Variants in VRTN observed in about 807,000 individuals in gnomAD.
VRTN encodes vertnin.
In VRTN, 5 loss-of-function variants were observed where a neutral mutation model predicts 18.2. That is an observed-to-expected ratio of 0.27 (90% CI 0.14 to 0.58). The LOEUF is 0.58. VRTN is among the 20% of genes least tolerant of loss of function. VRTN has a pLI of 0.91. For synonymous variants in VRTN, 381 were observed against 393.7 expected, an observed-to-expected ratio of 0.97 and a Z score of 0.38; for missense variants, 741 against 939.4, an observed-to-expected ratio of 0.79 and a Z score of 2.76.
At chr14:74,340,695 A>T (rs2085599205) in intron 2 of VRTN, among the ~76,000 whole-genome samples, 1 of 152,262 alleles carries the variant, frequency 6.6e-6, no homozygotes, top group Non-Finnish European at 1.5e-5. Flanking sequence ...GAATAAATGC[A>T]CAAGTGAATA....
At chr14:74,309,564 G>A (rs550070180) in intron 1 of VRTN, among the ~76,000 whole-genome samples, 4 of 152,276 alleles carry the variant, frequency 2.6e-5, no homozygotes, top group African/African-American at 9.6e-5. Context: ...ACACAGTGAG[G>A]CTAGGGCTCA....
In VRTN at chr14:74,358,211, G is replaced by A; in HGVS notation, c.1428G>A (p.Lys476=). ...GGGAAGGGGCTGTAATTCCTTGGAA[G>A]AGTGAGGCGGAAGAGGGGGCAGGGA... is the stretch of plus-strand genomic sequence containing the variant. ...SVGEGAVIPW[K]SEAEEGAGNA... The change falls in exon 2 of 2, where the codon AAG becomes AAA. Residue 476 remains lysine, a synonymous_variant. Transcript: ENST00000256362. The surrounding 1 kb of genome is among the most constrained non-coding windows in gnomAD (Gnocchi z 5.4). 8 of 1,613,064 alleles carry A rather than the reference G, an allele frequency of 5.0e-6. No individual in the cohort carries two copies. Among genetic ancestry groups the A allele is most frequent in the Non-Finnish European group, 5.9e-6 (7 of 1,179,516 alleles).
intron 1 of VRTN, among the ~76,000 whole-genome samples, chr14:74,333,110 C>A (rs964591659): frequency 3.3e-4 from 51 of 152,286 alleles, no homozygotes; most frequent in African/African-American, 1.1e-3. Flanking sequence ...ATGCCAGGCA[C>A]GGTGGCTCAT....
rs1401697917 is a variant in VRTN at position 74,348,619 on chromosome 14, G to T, written c.-35G>T. The T allele has an allele frequency of 6.6e-6, 1 of 152,378 alleles. No homozygotes were observed. The highest frequency in any genetic ancestry group is 1.5e-5 in the Non-Finnish European group (1 of 68,170). 9.4% of individuals were successfully genotyped at this position (152,378 alleles called of 1,614,324 possible). On this transcript the variant is annotated 5_prime_UTR_variant, in exon 1 of 2. Coordinates refer to ENST00000256362, the MANE Select transcript of VRTN (RefSeq NM_018228.3). Reference sequence around the variant, plus strand: ...CCCAGGCTGGAAGGTGGAGCGAGAAGTGGATGCCCCCAGGGCTCTGGGTCA... The same window carrying T: ...CCCAGGCTGGAAGGTGGAGCGAGAATTGGATGCCCCCAGGGCTCTGGGTCA...
At chr14:74,319,850 C>A (rs551276820) in intron 1 of VRTN, among the ~76,000 whole-genome samples, 1 of 152,222 alleles carries the variant, frequency 6.6e-6, no homozygotes, top group South Asian at 2.1e-4. Context: ...AGTCCAACAT[C>A]TAGTAGTAAA....
At chr14:74,318,044 A>G (rs1198793750) in intron 1 of VRTN, among the ~76,000 whole-genome samples, 1 of 152,092 alleles carries the variant, frequency 6.6e-6, no homozygotes, top group Non-Finnish European at 1.5e-5. Flanking sequence ...GCTTGAGCCC[A>G]GGAGTTCAAG....
chr14:74,314,808 A>G (rs947389180), intron 1 of VRTN, among the ~76,000 whole-genome samples: 2 of 152,184 alleles, frequency 1.3e-5, no homozygotes, highest in Non-Finnish European at 2.9e-5. Context: ...TGAGTGGGGA[A>G]ACCCAGCAAG....
intron 1 of VRTN, among the ~76,000 whole-genome samples, chr14:74,321,385 G>T (rs2085454837): frequency 6.6e-6 from 1 of 152,156 alleles, no homozygotes; most frequent in Non-Finnish European, 1.5e-5. Context: ...ACGCAAAACT[G>T]AGGCATGGAA....
intron 1 of VRTN, among the ~76,000 whole-genome samples, chr14:74,329,426 T>TG (rs2085507899): frequency 6.6e-6 from 1 of 151,820 alleles, no homozygotes; most frequent in Admixed American, 6.6e-5. Flanking sequence ...TGGTTTTGTT[T>TG]GTTTGTTTGT....
chr14:74,335,235 C>G (rs2085556082), intron 1 of VRTN, among the ~76,000 whole-genome samples: 1 of 152,150 alleles, frequency 6.6e-6, no homozygotes, highest in Non-Finnish European at 1.5e-5. Flanking sequence ...GAGCTGACAT[C>G]ATGCCACTGC....
intron 1 of VRTN, among the ~76,000 whole-genome samples, chr14:74,319,017 G>A (rs1034868334): frequency 1.3e-5 from 2 of 148,840 alleles, no homozygotes; most frequent in African/African-American, 2.5e-5. Flanking sequence ...GCCTGGTCTC[G>A]GGATTTTTTT....
chr14:74,331,881 C>T (rs2085527807), intron 1 of VRTN, among the ~76,000 whole-genome samples: 1 of 151,882 alleles, frequency 6.6e-6, no homozygotes, highest in South Asian at 2.1e-4. Flanking sequence ...CTTTGTTCAC[C>T]ACACTCTGTC....
intron 1 of VRTN, among the ~76,000 whole-genome samples, chr14:74,334,428 G>C (rs2140203478): frequency 6.6e-6 from 1 of 152,294 alleles, no homozygotes; most frequent in Non-Finnish European, 1.5e-5. Flanking sequence ...TACTAGGGAG[G>C]CTGAGGTGGG....
chr14:74,330,688 G>A lies in VRTN; in HGVS notation c.-163-7035G>A, dbSNP rs556146375. On this transcript the variant is annotated intron_variant, in intron 1 of 2. Coordinates refer to the VRTN transcript ENST00000557177. Reference sequence around the variant, plus strand: ...ACTCCTGACCTCAGGTGATCCGCCTGCCTCAGCCTCCCAAAGTGCTGGGAT... The same window carrying A: ...ACTCCTGACCTCAGGTGATCCGCCTACCTCAGCCTCCCAAAGTGCTGGGAT... 9.9e-5 allele frequency among the ~76,000 whole-genome samples: 15 copies of A among 151,842 alleles called. No homozygotes were observed. In the East Asian group the frequency reaches 1.8e-3, roughly 18 times the overall value.
intron 1 of VRTN, among the ~76,000 whole-genome samples, chr14:74,303,659 CA>C (rs374824837): frequency 6.6e-6 from 1 of 151,468 alleles, no homozygotes; most frequent in African/African-American, 2.4e-5. Context: ...GGAAATGGCT[CA>C]AAAAAAACCC....
chr14:74,320,249 CTTTTTTTTT>C (rs71115982), intron 1 of VRTN, among the ~76,000 whole-genome samples: 9 of 72,690 alleles, frequency 1.2e-4, no homozygotes, highest in African/African-American at 1.9e-4. Flanking sequence ...GATCCCATCC[CTTTTTTTTT>C]TTTTTTTTTT....
chr14:74,349,322 C>G (rs1278929081), intron 1 of VRTN, among the ~76,000 whole-genome samples: 5 of 24,484 alleles, frequency 2.0e-4, no homozygotes, highest in Non-Finnish European at 3.7e-4. Flanking sequence ...GGCTGGCGCT[C>G]CCTTAGGCCC....
At position 74,352,605 on chromosome 14, in the gene VRTN, C is replaced by A. The variant is rs115404791; in HGVS notation, c.-2+3953C>A. Reference sequence around the variant, plus strand: ...CTCCTCTGTTGCTCAGGCTGAAGTCCGGTGGCGTGATCATAGCTCACTGTA... The same window carrying A: ...CTCCTCTGTTGCTCAGGCTGAAGTCAGGTGGCGTGATCATAGCTCACTGTA... On this transcript the variant is annotated intron_variant, in intron 1 of 1. Coordinates refer to ENST00000256362, the MANE Select transcript of VRTN (RefSeq NM_018228.3). Among the ~76,000 whole-genome samples, 9 of 151,846 alleles carry A rather than the reference C, an allele frequency of 5.9e-5. No homozygotes were observed. In the South Asian group the frequency reaches 1.5e-3, roughly 25 times the overall value.
chr14:74,334,371 A>C (rs1436078955), intron 1 of VRTN, among the ~76,000 whole-genome samples: 4 of 152,158 alleles, frequency 2.6e-5, no homozygotes, highest in Non-Finnish European at 5.9e-5. Context: ...TCTAATAAAA[A>C]TACAAAACAT....
Sources: allele counts gnomAD v4.1 joint callset (sites outside exome capture counted in the v4.1 genomes callset), GRCh38; gene constraint gnomAD v4.1.1; non-coding constraint Gnocchi (gnomAD v3.1); transcripts MANE v1.5; gene names NCBI Gene and HGNC (gene_info 2026-07-23, HGNC 2026-07-21).